GOLT1A: variants seen among roughly 807,000 people sequenced by gnomAD.
GOLT1A encodes the protein vesicle transport protein GOT1A.
Under a neutral mutation model 16.1 loss-of-function variants are expected in GOLT1A, and 10 were observed. The ratio of observed to expected loss-of-function variants is 0.62; its 90% confidence interval spans 0.38 to 1.05. The LOEUF is 1.05. Ranked by LOEUF, GOLT1A falls within the 50% of genes least tolerant of loss-of-function variation. GOLT1A has a pLI of 0.01. For missense variants in GOLT1A, 137 were observed against 165.7 expected, an observed-to-expected ratio of 0.83 and a Z score of 0.95; for synonymous variants, 60 against 67.9, an observed-to-expected ratio of 0.88 and a Z score of 0.57.
intron 1 of GOLT1A, among the ~76,000 whole-genome samples, chr1:204,210,916 C>T (rs1280104506): frequency 6.6e-6 from 1 of 152,204 alleles, no homozygotes; most frequent in Admixed American, 6.5e-5. Context: ...CCTCCTTCAA[C>T]TTGTGCCTCC....
At position 204,204,026 on chromosome 1, in the gene GOLT1A, C is replaced by T. The variant is rs115857253; in HGVS notation, c.26-1039G>A. Among the ~76,000 whole-genome samples the T allele has an allele frequency of 7.4e-3, 1,131 of 152,258 alleles. 12 individuals are homozygous for T. Among genetic ancestry groups the T allele is most frequent in the African/African-American group, 0.024 (1,013 of 41,542 alleles). On this transcript the variant is annotated intron_variant, in intron 1 of 4. Transcript: ENST00000308302. ...CCCTCAAGACGATTTGTACAATAAC[C>T]GGATATATAGTTCCTTTTTTCCTTA...
intron 1 of GOLT1A, among the ~76,000 whole-genome samples, chr1:204,210,682 C>T (rs1381071747): frequency 6.6e-6 from 1 of 152,190 alleles, no homozygotes; most frequent in Non-Finnish European, 1.5e-5. Context: ...TCAAGCGATC[C>T]TCCCAAAGTG....
chr1:204,202,185 A>G (rs1483427603), intron 2 of GOLT1A, among the ~76,000 whole-genome samples: 1 of 151,888 alleles, frequency 6.6e-6, no homozygotes, highest in Non-Finnish European at 1.5e-5. Context: ...TTAGGCAGCC[A>G]TACTGAAAGT....
At chr1:204,213,269 G>A (rs1388163300) in intron 1 of GOLT1A, among the ~76,000 whole-genome samples, 4 of 152,194 alleles carry the variant, frequency 2.6e-5, no homozygotes, top group Non-Finnish European at 4.4e-5. Flanking sequence ...ACACAGCAGA[G>A]ACAAATCTGT....
At chr1:204,206,821 A>G (rs899902224) in intron 1 of GOLT1A, among the ~76,000 whole-genome samples, 1 of 152,264 alleles carries the variant, frequency 6.6e-6, no homozygotes, top group Admixed American at 6.5e-5. Context: ...ACATTCACAC[A>G]TGATGTCCAT....
chr1:204,207,763 GA>G (rs554731490), intron 1 of GOLT1A, among the ~76,000 whole-genome samples: 1 of 152,100 alleles, frequency 6.6e-6, no homozygotes, highest in Non-Finnish European at 1.5e-5. Flanking sequence ...TATTTTTCTT[GA>G]ACCATTTGAA....
chr1:204,208,281 TATAA>T lies in GOLT1A; in HGVS notation c.26-5298_26-5295del, dbSNP rs539972280. Among the ~76,000 whole-genome samples, 157 of 151,048 alleles carry T rather than the reference TATAA, an allele frequency of 1.0e-3. 6 individuals are homozygous for T. Among genetic ancestry groups the T allele is most frequent in the African/African-American group, 3.5e-3 (142 of 40,818 alleles). ...CCAAATGCCCATTAGTCAATGAGTG[TATAA>T]ATAAATTGTGATGTGTATATATATA... On this transcript the variant is annotated intron_variant, in intron 1 of 4. Transcript: ENST00000308302.
At chr1:204,204,299 T>TC (rs1355532460) in intron 1 of GOLT1A, among the ~76,000 whole-genome samples, 2 of 152,086 alleles carry the variant, frequency 1.3e-5, no homozygotes, top group East Asian at 3.9e-4. Flanking sequence ...AAACAGTAGC[T>TC]CCCCATTCCC....
intron 1 of GOLT1A, among the ~76,000 whole-genome samples, 170 bp downstream of exon 1, chr1:204,213,712 G>T (rs1659173353): frequency 6.6e-6 from 1 of 152,174 alleles, no homozygotes; most frequent in Non-Finnish European, 1.5e-5. Flanking sequence ...CTGGAGGGTA[G>T]GGAGCCACAC....
intron 4 of GOLT1A, chr1:204,198,951 A>G (rs989828607): frequency 1.6e-5 from 9 of 552,232 alleles, no homozygotes; most frequent in Non-Finnish European, 2.9e-5. Flanking sequence ...ATTCATAGCT[A>G]CCTGCCTCTA....
chr1:204,199,287 C>A, intron 3 of GOLT1A, 29 bp from the exon 4 acceptor site: 1 of 1,565,952 alleles, frequency 6.4e-7, no homozygotes, highest in South Asian at 1.2e-5. Flanking sequence ...AGGGAGGAGT[C>A]AGTGATGGCC....
chr1:204,213,642 T>C (rs1440659929), intron 1 of GOLT1A, among the ~76,000 whole-genome samples: 1 of 152,186 alleles, frequency 6.6e-6, no homozygotes, highest in Non-Finnish European at 1.5e-5. Context: ...ATGGGGAACC[T>C]GCCAGGCCCC....
intron 1 of GOLT1A, among the ~76,000 whole-genome samples, chr1:204,209,773 G>C (rs1400735934): frequency 6.6e-6 from 1 of 152,182 alleles, no homozygotes; most frequent in Non-Finnish European, 1.5e-5. Flanking sequence ...AGTGCCTTTT[G>C]GGCAGGCACG....
In GOLT1A at chr1:204,202,930, A is replaced by G. The variant is rs1402477463; in HGVS notation, c.83T>C (p.Leu28Pro). 1 of 1,614,182 alleles carries G rather than the reference A, an allele frequency of 6.2e-7. No individual in the cohort carries two copies. Among genetic ancestry groups the G allele is most frequent in the East Asian group, 2.2e-5 (1 of 44,888 alleles). Reference protein sequence around the residue: ...GIFFILFGTLLYFDSVLLAFG... With the variant: ...GIFFILFGTLPYFDSVLLAFG... ...GGCCAGGAGCACGGAATCAAAGTAC[A>G]GGAGTGTTCCAAAGAGGATGAAGAA... Residue 28 changes from leucine to proline, a missense_variant, in exon 2 of 5, where the codon CTG becomes CCG. Transcript: ENST00000308302.
intron 1 of GOLT1A, among the ~76,000 whole-genome samples, chr1:204,211,267 G>A (rs1465775533): frequency 6.6e-6 from 1 of 152,078 alleles, no homozygotes; most frequent in African/African-American, 2.4e-5. Flanking sequence ...AGATTAGACT[G>A]CAGCAGAGCC....
intron 3 of GOLT1A, among the ~76,000 whole-genome samples, chr1:204,200,159 A>G (rs1658928716): frequency 6.6e-6 from 1 of 151,716 alleles, no homozygotes; most frequent in African/African-American, 2.4e-5. Flanking sequence ...GGTCTTCCCT[A>G]CTAAATTGTA....
chr1:204,202,800 A>AGTT, intron 2 of GOLT1A, 96 bp downstream of exon 2: 2 of 885,562 alleles, frequency 2.3e-6, no homozygotes, highest in Non-Finnish European at 1.9e-6. Context: ...AAAGACTTAA[A>AGTT]TAAACTGTAA....
intron 3 of GOLT1A, among the ~76,000 whole-genome samples, chr1:204,199,684 C>A (rs933411642): frequency 6.6e-6 from 1 of 152,214 alleles, no homozygotes; most frequent in Non-Finnish European, 1.5e-5. Context: ...GATCCACCTG[C>A]CCCGGGTGTC....
intron 1 of GOLT1A, among the ~76,000 whole-genome samples, chr1:204,207,435 G>C (rs1659059107): frequency 6.6e-6 from 1 of 152,108 alleles, no homozygotes; most frequent in Non-Finnish European, 1.5e-5. Flanking sequence ...TGGCTGCACT[G>C]GTGCCCTTGT....
Sources: allele counts gnomAD v4.1 joint callset (sites outside exome capture counted in the v4.1 genomes callset), GRCh38; gene constraint gnomAD v4.1.1; transcripts MANE v1.5; gene names NCBI Gene and HGNC (gene_info 2026-07-23, HGNC 2026-07-21).